The following PCDHA7 variants were observed in gnomAD, a reference collection of about 807,000 sequenced individuals.
The protein encoded by PCDHA7 is protocadherin alpha 7.
A neutral mutation model predicts 57.2 loss-of-function variants in PCDHA7; 37 were observed. The ratio of observed to expected loss-of-function variants is 0.65; its 90% CI spans 0.50 to 0.85. The LOEUF is 0.85. Among genes scored for constraint, PCDHA7 ranks in the 40% least tolerant of loss-of-function variants. The probability of loss-of-function intolerance (pLI) is 0.00; values close to 1 mark genes in which losing one functional copy is unlikely to be tolerated. For missense variants in PCDHA7, 1,188 were observed against 1,241.8 expected, an observed-to-expected ratio of 0.96 and a Z score of 0.65; for synonymous variants, 553 against 558.8, an observed-to-expected ratio of 0.99 and a Z score of 0.15.
chr5:140,870,100 T>C (rs1554163812), intron 1 of PCDHA7: 2 of 1,613,914 alleles, frequency 1.2e-6, no homozygotes, highest in Admixed American at 3.3e-5. Context: ...GGCAGGTCAC[T>C]GTACAGTCTG....
chr5:140,927,676 G>A (rs2084491623), intron 1 of PCDHA7: 1 of 1,614,192 alleles, frequency 6.2e-7, no homozygotes, highest in South Asian at 1.1e-5. Flanking sequence ...GGATCCAGAT[G>A]AAGGGTCCAA....
intron 3 of PCDHA7, among the ~76,000 whole-genome samples, chr5:140,998,363 A>G (rs568271579): frequency 6.6e-6 from 1 of 152,316 alleles, no homozygotes; most frequent in Admixed American, 6.5e-5. Flanking sequence ...TAACCACTGC[A>G]CACACCGTCT....
At chr5:140,939,987 C>T (rs2092516961) in intron 1 of PCDHA7, among the ~76,000 whole-genome samples, 1 of 152,060 alleles carries the variant, frequency 6.6e-6, no homozygotes. Flanking sequence ...TGAATTGTTT[C>T]TCCTTGGATT....
Position 140,834,892 on chromosome 5 carries a change from A to G in PCDHA7, c.509A>G (p.Tyr170Cys), listed in dbSNP as rs2150228741. 1.2e-6 allele frequency: 2 copies of G among 1,604,044 alleles called. No individual in the cohort carries two copies. The highest frequency in any genetic ancestry group is 2.7e-5 in the African/African-American group (2 of 72,962). Reference sequence around the variant, plus strand: ...ATCGGGGAGAACGCCCTGCTCACTTACAGACTGAGCCCCAATGAGTATTTC... The same window carrying G: ...ATCGGGGAGAACGCCCTGCTCACTTGCAGACTGAGCCCCAATGAGTATTTC... The part of the protein sequence containing the change: ...ADIGENALLT[Y>C]RLSPNEYFFL... Residue 170 changes from tyrosine (Y) to cysteine (C), a missense_variant, in exon 1 of 4, where the codon TAC becomes TGC. Coordinates refer to ENST00000525929, the MANE Select transcript of PCDHA7 (RefSeq NM_018910.3).
chr5:140,916,161 GC>G (rs2077457967), intron 1 of PCDHA7, among the ~76,000 whole-genome samples: 1 of 152,084 alleles, frequency 6.6e-6, no homozygotes, highest in African/African-American at 2.4e-5. Flanking sequence ...GGTGAATGCT[GC>G]CAGGCCTGGG....
intron 1 of PCDHA7, among the ~76,000 whole-genome samples, chr5:140,940,729 C>G (rs545285188): frequency 8.9e-4 from 136 of 152,326 alleles, no homozygotes; most frequent in African/African-American, 3.2e-3. Context: ...TTCAGCTGGA[C>G]AGCTCCATAT....
At chr5:140,877,323 C>A in intron 1 of PCDHA7, 1 of 1,613,988 alleles carries the variant, frequency 6.2e-7, no homozygotes, top group Non-Finnish European at 8.5e-7. Context: ...CGGCGGTCGG[C>A]GCGCACATCC....
chr5:140,933,372 C>T (rs1332069734), intron 1 of PCDHA7, among the ~76,000 whole-genome samples: 2 of 151,918 alleles, frequency 1.3e-5, no homozygotes, highest in African/African-American at 2.4e-5. Flanking sequence ...TCCCAAATTC[C>T]TTGGCTGTTC....
Position 140,858,065 on chromosome 5 carries a change from C to T in PCDHA7, c.2355+21327C>T, listed in dbSNP as rs200661444. 1.2e-3 allele frequency: 1,989 copies of T among 1,597,646 alleles called. 147 individuals carry two copies. Among genetic ancestry groups the T allele is most frequent in the Non-Finnish European group, 1.1e-3 (1,233 of 1,167,558 alleles). Reference sequence around the variant, plus strand: ...GCTTGTGTCGCTTGTGGAGGGCAGCCAGGCACCCAAGGCCTCGTCGCGGGC... The same window carrying T: ...GCTTGTGTCGCTTGTGGAGGGCAGCTAGGCACCCAAGGCCTCGTCGCGGGC... On this transcript the variant is annotated intron_variant, in intron 1 of 3. Transcript: ENST00000525929.
chr5:140,937,599 A>T (rs2091614434), intron 1 of PCDHA7, among the ~76,000 whole-genome samples: 3 of 151,728 alleles, frequency 2.0e-5, no homozygotes, highest in African/African-American at 7.3e-5. Context: ...CCTGGGCAAC[A>T]GAGTGATACT....
intron 1 of PCDHA7, among the ~76,000 whole-genome samples, chr5:140,934,143 A>T (rs1335256190): frequency 6.6e-6 from 1 of 152,000 alleles, no homozygotes; most frequent in Non-Finnish European, 1.5e-5. Context: ...TTCCTTCCTT[A>T]TATGTTTATA....
At chr5:140,928,729 G>A (rs2085477021) in intron 1 of PCDHA7, 1 of 1,613,996 alleles carries the variant, frequency 6.2e-7, no homozygotes, top group Non-Finnish European at 8.5e-7. Context: ...TAGAATTTCA[G>A]CCAATATAGG....
At chr5:140,929,530 G>A in intron 1 of PCDHA7, 1 of 636,248 alleles carries the variant, frequency 1.6e-6, no homozygotes, top group Non-Finnish European at 2.3e-6. Flanking sequence ...GTTTATTTTT[G>A]AGAAACAAGG....
At chr5:140,870,001 G>T in intron 1 of PCDHA7, 34 of 1,613,566 alleles carry the variant, frequency 2.1e-5, no homozygotes, top group Non-Finnish European at 2.9e-5. Context: ...AAATAATGGA[G>T]AAGTGAGGGT....
rs994477615 is a variant in PCDHA7 at position 140,861,542 on chromosome 5, C to T, written c.2355+24804C>T. On this transcript the variant is annotated intron_variant, in intron 1 of 3. Coordinates refer to ENST00000525929, the MANE Select transcript of PCDHA7 (RefSeq NM_018910.3). ...GGAGGATCTCGGAGTGCAGCATCCA[C>T]CTGGAAGTGATCGTGGACAAGCTGC... is the stretch of plus-strand genomic sequence containing the variant. The T allele has an allele frequency of 4.0e-5, 17 of 424,962 alleles. No homozygotes were observed. In the East Asian group the frequency reaches 1.2e-3, roughly 30 times the overall value. The allele number at this position is 424,962 out of a possible 1,614,324, so 26.3% of individuals were successfully genotyped here.
intron 1 of PCDHA7, among the ~76,000 whole-genome samples, chr5:140,952,160 G>C (rs952147312): frequency 6.6e-6 from 1 of 152,044 alleles, no homozygotes; most frequent in Non-Finnish European, 1.5e-5. Flanking sequence ...GGCTTTGTGG[G>C]GTTCAGTTCC....
intron 1 of PCDHA7, among the ~76,000 whole-genome samples, chr5:140,908,003 C>G (rs1325602233): frequency 1.3e-5 from 2 of 152,164 alleles, no homozygotes; most frequent in Non-Finnish European, 2.9e-5. Context: ...ACCATCCAGC[C>G]AAACCACTGG....
chr5:140,845,035 G>GC (rs1258686768), intron 1 of PCDHA7, among the ~76,000 whole-genome samples: 16 of 149,032 alleles, frequency 1.1e-4, no homozygotes, highest in African/African-American at 3.7e-4. Flanking sequence ...GCATATTTTA[G>GC]CCCCCTTGTC....
At chr5:140,854,461 G>A (rs1581342351) in intron 1 of PCDHA7, 1 of 149,954 alleles carries the variant, frequency 6.7e-6, no homozygotes, top group East Asian at 1.9e-4. Context: ...AGGCATTCCA[G>A]AGGAGTAGAG....
Sources: allele counts gnomAD v4.1 joint callset (sites outside exome capture counted in the v4.1 genomes callset), GRCh38; gene constraint gnomAD v4.1.1; transcripts MANE v1.5; gene names NCBI Gene and HGNC (gene_info 2026-07-23, HGNC 2026-07-21).